Variants in C8orf34 observed in about 807,000 individuals in gnomAD.
C8orf34 encodes chromosome 8 open reading frame 34, also known as uncharacterized protein C8orf34.
Under a neutral mutation model 68.3 loss-of-function variants are expected in C8orf34, and 65 were observed. The ratio of observed to expected loss-of-function variants is 0.95; its 90% CI spans 0.78 to 1.17. The LOEUF (loss-of-function observed/expected upper bound fraction) is 1.17. Among genes scored for constraint, C8orf34 ranks in the 50% most tolerant of loss-of-function variants. The probability of loss-of-function intolerance (pLI) is 0.00; values close to 1 mark genes in which losing one functional copy is unlikely to be tolerated. For missense variants in C8orf34, 664 were observed against 655.4 expected (o/e 1.01, Z -0.14); for synonymous variants, 244 against 241.2 (o/e 1.01, Z -0.11).
chr8:68,710,281 A>T (rs1821294533), intron 9 of C8orf34, among the ~76,000 whole-genome samples: 1 of 152,210 alleles, frequency 6.6e-6, no homozygotes, highest in African/African-American at 2.4e-5. Flanking sequence ...GCTCCCTGAG[A>T]TGCGAAAATT....
At position 68,642,449 on chromosome 8, in the gene C8orf34, A is replaced by AT. The variant is rs200657587; in HGVS notation, c.1241+1944dup. On this transcript the variant is annotated intron_variant, in intron 8 of 13. Coordinates refer to ENST00000518698, the MANE Select transcript of C8orf34 (RefSeq NM_052958.4). ...TGTCGAGAACTATAGAGAATCTGAG[A>AT]TTTTTTCCCATTTGGAGCTTTATAT... Among the ~76,000 whole-genome samples, 628 of 152,242 alleles carry AT rather than the reference A, an allele frequency of 4.1e-3. 6 individuals are homozygous for AT. The highest frequency in any genetic ancestry group is 0.014 in the African/African-American group (583 of 41,536).
chr8:68,583,911 G>C (rs891191527), intron 7 of C8orf34, among the ~76,000 whole-genome samples: 1 of 151,960 alleles, frequency 6.6e-6, no homozygotes, highest in Non-Finnish European at 1.5e-5. Context: ...CTTGTGAGTG[G>C]ATTTTACTGA....
rs1176393442 is a variant in C8orf34, at chr8:68,533,056, C to T, written c.1012C>T (p.Leu338Phe). The T allele has an allele frequency of 6.2e-7, 1 of 1,612,328 alleles. No homozygotes were observed. Among genetic ancestry groups the T allele is most frequent in the South Asian group, 1.1e-5 (1 of 91,014 alleles). Residue 338 changes from leucine (L) to phenylalanine (F), a missense_variant, in exon 7 of 14, where the codon CTC (leucine) becomes TTC (phenylalanine). Leu to Phe is a conservative substitution (Grantham distance 22, BLOSUM62 0). Coordinates refer to ENST00000518698, the MANE Select transcript of C8orf34 (RefSeq NM_052958.4). ...QQHKKLLAAM[L>F]SQDSFESIHS... ...ACATAAGAAACTCCTGGCCGCAATG[C>T]TCTCTCAAGATTCTTTTGAGTCCAT...
chr8:68,405,950 C>A (rs908063593), intron 1 of C8orf34, among the ~76,000 whole-genome samples: 14 of 152,076 alleles, frequency 9.2e-5, no homozygotes, highest in Non-Finnish European at 1.6e-4. Context: ...AAAGAGTTTG[C>A]TATTAGAGGA....
chr8:68,768,835 C>T (rs552754987), intron 10 of C8orf34, among the ~76,000 whole-genome samples: 17 of 152,174 alleles, frequency 1.1e-4, no homozygotes, highest in Admixed American at 5.9e-4. Context: ...AGTTCCCATA[C>T]CTAGGCATTT....
At chr8:68,520,512 A>G (rs918128730) in intron 5 of C8orf34, among the ~76,000 whole-genome samples, 3 of 151,976 alleles carry the variant, frequency 2.0e-5, no homozygotes, top group Admixed American at 6.6e-5. Flanking sequence ...GTGCAGTGGC[A>G]CGATCTCGGC....
chr8:68,685,061 A>T (rs11993217), intron 8 of C8orf34, among the ~76,000 whole-genome samples: 11,200 of 152,218 alleles, frequency 0.074, 606 homozygotes, highest in African/African-American at 0.15. Flanking sequence ...TTTGTACCAG[A>T]TGTTTTAACT....
intron 7 of C8orf34, among the ~76,000 whole-genome samples, chr8:68,568,744 T>A (rs1295846738): frequency 6.6e-6 from 1 of 152,214 alleles, no homozygotes; most frequent in Non-Finnish European, 1.5e-5. Context: ...ATAAGGCTTC[T>A]TAAAATAGAA....
intron 10 of C8orf34, among the ~76,000 whole-genome samples, chr8:68,756,397 T>C (rs1324246740): frequency 6.6e-6 from 1 of 152,218 alleles, no homozygotes; most frequent in African/African-American, 2.4e-5. Flanking sequence ...GAAAATGCAC[T>C]GTGACACTAA....
At chr8:68,765,906 C>T in intron 10 of C8orf34, among the ~76,000 whole-genome samples, 1 of 152,118 alleles carries the variant, frequency 6.6e-6, no homozygotes, top group East Asian at 1.9e-4. Context: ...GTTTACAAGT[C>T]AGTGAAAAAT....
chr8:68,613,415 G>A (rs1004395295), intron 7 of C8orf34, among the ~76,000 whole-genome samples: 1 of 151,438 alleles, frequency 6.6e-6, no homozygotes, highest in Non-Finnish European at 1.5e-5. Flanking sequence ...TTAGCATTAG[G>A]TATATCTCCC....
intron 1 of C8orf34, among the ~76,000 whole-genome samples, chr8:68,377,670 A>G (rs1807861866): frequency 6.6e-6 from 1 of 152,190 alleles, no homozygotes. Context: ...ATTTAACAAA[A>G]GTTTTTTTTC....
At chr8:68,439,387 T>C in intron 1 of C8orf34, 112 bp from the exon 2 acceptor site, 1 of 868,218 alleles carries the variant, frequency 1.2e-6, no homozygotes, top group Non-Finnish European at 1.7e-6. Flanking sequence ...AGTTAGTTGC[T>C]GTATATAAAG....
intron 1 of C8orf34, among the ~76,000 whole-genome samples, chr8:68,425,718 A>C (rs529226943): frequency 7.1e-6 from 1 of 141,322 alleles, no homozygotes; most frequent in African/African-American, 2.5e-5. Context: ...TAGCCAAAAC[A>C]GTTTTGGAAG....
intron 1 of C8orf34, among the ~76,000 whole-genome samples, chr8:68,429,105 A>AACTTTTGTT (rs1359923555): frequency 6.6e-6 from 1 of 152,176 alleles, no homozygotes; most frequent in African/African-American, 2.4e-5. Context: ...TAAAATAAAG[A>AACTTTTGTT]ACTTTTGTTT....
At chr8:68,444,096 CTT>C (rs1275592496) in intron 2 of C8orf34, among the ~76,000 whole-genome samples, 1 of 152,084 alleles carries the variant, frequency 6.6e-6, no homozygotes, top group African/African-American at 2.4e-5. Context: ...TGTTGACTCT[CTT>C]TTAGAGAGGT....
chr8:68,799,903 C>T (rs1343514882), intron 12 of C8orf34, among the ~76,000 whole-genome samples: 1 of 152,088 alleles, frequency 6.6e-6, no homozygotes, highest in East Asian at 1.9e-4. Context: ...TTTTGAAGGG[C>T]AGGGATGGAC....
intron 1 of C8orf34, among the ~76,000 whole-genome samples, chr8:68,375,682 G>C (rs1457311254): frequency 6.6e-6 from 1 of 152,166 alleles, no homozygotes; most frequent in Non-Finnish European, 1.5e-5. Flanking sequence ...ATATTACCTT[G>C]TTTAGAAAAA....
intron 2 of C8orf34, among the ~76,000 whole-genome samples, chr8:68,442,750 G>A (rs1261475869): frequency 6.6e-6 from 1 of 152,168 alleles, no homozygotes; most frequent in Non-Finnish European, 1.5e-5. Context: ...AGCAATATCA[G>A]GGAAACGAAG....
Sources: allele counts gnomAD v4.1 joint callset (sites outside exome capture counted in the v4.1 genomes callset), GRCh38; gene constraint gnomAD v4.1.1; transcripts MANE v1.5; gene names NCBI Gene and HGNC (gene_info 2026-07-23, HGNC 2026-07-21).